Variants in VBP1 observed in about 807,000 individuals in gnomAD.
VBP1 encodes prefoldin subunit 3.
VBP1 carries 4 observed loss-of-function variants against 15.5 expected under a neutral mutation model. The ratio of observed to expected loss-of-function variants is 0.26; its 90% confidence interval spans 0.13 to 0.59. The LOEUF (loss-of-function observed/expected upper bound fraction) is 0.59, where lower values mean the gene tolerates loss of function less well. VBP1 is among the 20% of genes least tolerant of loss of function. The pLI is 0.90. For synonymous variants in VBP1, 61 were observed against 52.1 expected (o/e 1.17, Z -0.74); for missense variants, 108 against 139.6 (o/e 0.77, Z 1.14).
chrX:155,200,655 C>T, intron 1 of VBP1, among the ~76,000 whole-genome samples: 1 of 105,178 alleles, frequency 9.5e-6, no homozygotes, highest in East Asian at 3.0e-4. Context: ...CAAGAGAAAG[C>T]AGGAAAGATC....
intron 1 of VBP1, among the ~76,000 whole-genome samples, chrX:155,206,190 G>A (rs1487358864): frequency 9.0e-6 from 1 of 111,134 alleles, no homozygotes; most frequent in Admixed American, 9.6e-5. Flanking sequence ...TTTTAAATAG[G>A]CTGGTCAGTG....
chrX:155,238,620 T>C (rs2074785066), intron 5 of VBP1, 152 bp from the exon 6 acceptor site: 1 of 419,544 alleles, frequency 2.4e-6, no homozygotes, highest in Non-Finnish European at 4.1e-6. Context: ...ATTGACATTA[T>C]AGCAGGATGT....
intron 1 of VBP1, 94 bp from the exon 2 acceptor site, chrX:155,220,089 C>A: frequency 1.1e-6 from 1 of 881,694 alleles, no homozygotes; most frequent in Non-Finnish European, 1.5e-6. Context: ...AAAAACAAAG[C>A]TTTTTTTTCT....
At chrX:155,212,767 C>T (rs868958756), upstream of VBP1, among the ~76,000 whole-genome samples, 1 of 111,872 alleles carries the variant, frequency 8.9e-6, no homozygotes, top group Admixed American at 9.5e-5. Context: ...CCAGGGCCAT[C>T]ATTCTGGCAG....
At chrX:155,208,751 C>CTTTTTT in intron 1 of VBP1, 1 of 387,918 alleles carries the variant, frequency 2.6e-6, no homozygotes. Context: ...TCAATTGATG[C>CTTTTTT]TTATTAAATA....
chrX:155,200,852 T>G (rs2074600368), intron 1 of VBP1, among the ~76,000 whole-genome samples: 2 of 110,212 alleles, frequency 1.8e-5, no homozygotes, highest in South Asian at 7.8e-4. Context: ...ACAAAATTGA[T>G]AGACCGCTAG....
intron 4 of VBP1, 41 bp downstream of exon 4, chrX:155,228,523 C>T (rs2074730631): frequency 9.2e-7 from 1 of 1,089,950 alleles, no homozygotes; most frequent in Non-Finnish European, 1.3e-6. Flanking sequence ...ATTTGTAAAC[C>T]AGTGTGTTTT....
intron 2 of VBP1, among the ~76,000 whole-genome samples, chrX:155,224,844 G>A (rs1158304616): frequency 1.8e-5 from 2 of 111,253 alleles, no homozygotes; most frequent in Non-Finnish European, 3.8e-5. Context: ...CCTGTTTACA[G>A]ATGTTGACAC....
intron 2 of VBP1, among the ~76,000 whole-genome samples, chrX:155,223,803 C>A (rs1269557990): frequency 9.9e-6 from 1 of 101,034 alleles, no homozygotes; most frequent in Admixed American, 1.1e-4. Flanking sequence ...ACCTCCCGGA[C>A]GGGGCGGCTG....
chrX:155,206,817 T>C (rs2074628123), intron 1 of VBP1, among the ~76,000 whole-genome samples: 1 of 111,413 alleles, frequency 9.0e-6, no homozygotes, highest in Admixed American at 9.6e-5. Context: ...GTTTTCCTCC[T>C]ACCTCATATC....
intron 2 of VBP1, among the ~76,000 whole-genome samples, chrX:155,224,548 G>A (rs953613125): frequency 8.0e-5 from 9 of 112,094 alleles, no homozygotes; most frequent in Non-Finnish European, 1.5e-4. Flanking sequence ...TCGAGATGGC[G>A]GCAGTACAGT....
In VBP1 at chrX:155,227,207, A is replaced by G. The variant is rs781789753; in HGVS notation, c.219-28A>G. On this transcript the variant is annotated intron_variant, in intron 2 of 5. Transcript: ENST00000286428. ...TGTTGTTTATTTTTGCCTGCAAAAT[A>G]CTAAGTTACTCTTTTTCTTGTTCAC... is the stretch of plus-strand genomic sequence containing the variant. The G allele has an allele frequency of 1.4e-5, 16 of 1,177,915 alleles. No homozygotes were observed. The South Asian group carries it at 3.0e-4, about 22-fold the overall frequency.
chrX:155,206,994 T>A (rs1048533384), intron 1 of VBP1, among the ~76,000 whole-genome samples: 7 of 111,030 alleles, frequency 6.3e-5, no homozygotes, highest in Admixed American at 1.9e-4. Context: ...TTAGTAAGAA[T>A]TTAAGGTAGA....
At chrX:155,231,272 GC>G (rs1415230649) in intron 4 of VBP1, among the ~76,000 whole-genome samples, 1 of 111,568 alleles carries the variant, frequency 9.0e-6, no homozygotes, top group Non-Finnish European at 1.9e-5. Flanking sequence ...AGCCATGGTG[GC>G]CCCCTAACTG....
Position 155,220,358 on chromosome X carries a change from TA to T in VBP1, c.218+57del, listed in dbSNP as rs782664178. ...GAAAATCTTATATGACTTGAACTTT[TA>T]AAAAATTGAGATATAATTTACATAT... On this transcript the variant is annotated intron_variant, in intron 2 of 5. Transcript: ENST00000286428. 1,748 of 1,006,146 alleles carry T rather than the reference TA, an allele frequency of 1.7e-3. 18 individuals are homozygous for T. In the African/African-American group the frequency reaches 0.031, roughly 18 times the overall value. 82.9% of individuals were successfully genotyped at this position (1,006,146 alleles called of 1,213,427 possible). A position where few individuals can be genotyped will look rare whatever the true frequency, so the allele number is the denominator to read the frequency against.
At chrX:155,225,317 C>T (rs1557310156) in intron 2 of VBP1, among the ~76,000 whole-genome samples, 1 of 111,733 alleles carries the variant, frequency 8.9e-6, no homozygotes, top group Non-Finnish European at 1.9e-5. Flanking sequence ...CCTCAACTTC[C>T]CAAGTAGCTG....
intron 1 of VBP1, among the ~76,000 whole-genome samples, chrX:155,203,528 C>T (rs12395768): frequency 0.3 from 30,731 of 101,356 alleles, 3,953 homozygotes; most frequent in African/African-American, 0.44. Flanking sequence ...CCAAACACCG[C>T]ATGTTCTCAC....
upstream of VBP1, among the ~76,000 whole-genome samples, chrX:155,214,766 TCC>T (rs1209271116): frequency 4.6e-5 from 3 of 65,911 alleles, no homozygotes; most frequent in African/African-American, 8.9e-5. Flanking sequence ...TTTTTTCTTT[TCC>T]TTTTTTTTTT....
chrX:155,223,354 A>G (rs2074700270), intron 2 of VBP1, among the ~76,000 whole-genome samples: 1 of 108,338 alleles, frequency 9.2e-6, no homozygotes, highest in Non-Finnish European at 1.9e-5. Flanking sequence ...CGCCTTCCGC[A>G]GTGTTTGTGT....
Sources: gnomAD v4.1 joint callset for allele counts (sites outside exome capture counted in the v4.1 genomes callset) on GRCh38, gnomAD v4.1.1 for gene constraint, MANE v1.5 for transcripts, NCBI Gene and HGNC (gene_info 2026-07-23, HGNC 2026-07-21) for gene names.